CELF2: variants seen among roughly 807,000 people sequenced by gnomAD.
CELF2 encodes the protein CUG triplet repeat RNA-binding protein 2.
Under a neutral mutation model 62.6 loss-of-function variants are expected in CELF2, and 8 were observed. The ratio of observed to expected loss-of-function variants is 0.13; its 90% confidence interval spans 0.07 to 0.23. CELF2 has a LOEUF of 0.23. Among genes scored for constraint, CELF2 ranks in the 10% least tolerant of loss-of-function variants. The pLI is 1.00. For synonymous variants in CELF2, 258 were observed against 250.0 expected (o/e 1.03, Z -0.30); for missense variants, 333 against 671.0 (o/e 0.50, Z 5.56).
chr10:11,308,856 T>C (rs1211993975), intron 9 of CELF2, among the ~76,000 whole-genome samples: 2 of 150,608 alleles, frequency 1.3e-5, no homozygotes, highest in Non-Finnish European at 3.0e-5. Flanking sequence ...AGTATGATTT[T>C]CTTAGAATTG....
chr10:11,110,065 C>T lies in CELF2; in HGVS notation c.75-55421C>T, dbSNP rs1475727822. On this transcript the variant is annotated intron_variant, in intron 1 of 12. Coordinates refer to ENST00000633077, the MANE Select transcript of CELF2 (RefSeq NM_001326342.2). This position sits in a 1 kb window ranked among gnomAD's most constrained non-coding sequence, Gnocchi z 4.0. The stretch of plus-strand genomic sequence containing the variant: ...CTTGAGCTCGGGAGTTTGAGACCAG[C>T]TTGGGCAACATAGCAAGACCTCATT... 6.6e-6 allele frequency among the ~76,000 whole-genome samples: 1 copy of T among 152,058 alleles called. No homozygotes were observed. Among genetic ancestry groups the T allele is most frequent in the Non-Finnish European group, 1.5e-5 (1 of 67,990 alleles).
the CELF2 span, among the ~76,000 whole-genome samples, chr10:10,755,914 G>T: frequency 6.6e-6 from 1 of 152,092 alleles, no homozygotes; most frequent in Non-Finnish European, 1.5e-5. Context: ...TTTTTTACCC[G>T]AATAGAGTCA....
chr10:11,082,632 C>A (rs2074330052), intron 1 of CELF2, among the ~76,000 whole-genome samples: 1 of 152,208 alleles, frequency 6.6e-6, no homozygotes, highest in Admixed American at 6.5e-5. Flanking sequence ...GAGATCCCTT[C>A]CAGTTCTAAA....
intron 1 of CELF2, among the ~76,000 whole-genome samples, chr10:10,881,526 C>T (rs1053196628): frequency 6.6e-6 from 1 of 152,184 alleles, no homozygotes; most frequent in Non-Finnish European, 1.5e-5. Flanking sequence ...GGTAAACCCA[C>T]CCTCCAGATT....
the CELF2 span, among the ~76,000 whole-genome samples, chr10:10,505,321 A>C: frequency 6.6e-6 from 1 of 151,976 alleles, no homozygotes; most frequent in African/African-American, 2.4e-5. Context: ...CTTTTTTACT[A>C]CAGGGTTGGG....
intron 2 of CELF2, among the ~76,000 whole-genome samples, chr10:11,213,346 G>C (rs939454198): frequency 6.6e-6 from 1 of 152,232 alleles, no homozygotes; most frequent in African/African-American, 2.4e-5. Flanking sequence ...AGCTGACCTG[G>C]AGAGGAATCC....
chr10:10,662,447 G>C, the CELF2 span, among the ~76,000 whole-genome samples: 1 of 152,118 alleles, frequency 6.6e-6, no homozygotes, highest in Admixed American at 6.5e-5. Context: ...CAGAGACAAC[G>C]CAAGCTGAGA....
chr10:11,090,454 A>AATTTCT (rs1357392341), intron 1 of CELF2, among the ~76,000 whole-genome samples: 1 of 152,148 alleles, frequency 6.6e-6, no homozygotes, highest in Non-Finnish European at 1.5e-5. Flanking sequence ...AAATCAAATG[A>AATTTCT]ATTTCTATTT....
At chr10:10,582,576 C>A in the CELF2 span, among the ~76,000 whole-genome samples, 4 of 152,112 alleles carry the variant, frequency 2.6e-5, no homozygotes, top group Non-Finnish European at 4.4e-5. Context: ...CAGTTAACAA[C>A]CTTGTTATTG....
chr10:10,552,646 G>C, the CELF2 span, among the ~76,000 whole-genome samples: 4 of 152,346 alleles, frequency 2.6e-5, no homozygotes, highest in East Asian at 5.8e-4. Flanking sequence ...TTCATAGTCT[G>C]CATCACGGCT....
chr10:10,947,659 G>C lies in CELF2; in HGVS notation c.89+27660G>C, dbSNP rs532663567. On this transcript the variant is annotated intron_variant, in intron 2 of 13. Transcript: ENST00000636488. The surrounding 1 kb of genome is among the most constrained non-coding windows in gnomAD (Gnocchi z 4.1). ...AAGTTTACAGAATAAAGAAATGTAT[G>C]AGGGGATGAGTGCCTACTGTGTAAT... 19 of 152,628 alleles carry C rather than the reference G, an allele frequency of 1.2e-4. No homozygotes were observed. The highest frequency in any genetic ancestry group is 4.6e-4 in the African/African-American group (19 of 41,572). The allele number at this position is 152,628 out of a possible 1,614,324, so 9.5% of individuals were successfully genotyped here.
At chr10:11,249,598 G>C (rs1395971134) in intron 4 of CELF2, among the ~76,000 whole-genome samples, 1 of 152,170 alleles carries the variant, frequency 6.6e-6, no homozygotes, top group Non-Finnish European at 1.5e-5. Flanking sequence ...CTGTGGGTGG[G>C]GGAGGGGCGT....
At chr10:10,785,363 C>T in the CELF2 span, among the ~76,000 whole-genome samples, 1 of 152,150 alleles carries the variant, frequency 6.6e-6, no homozygotes, top group Non-Finnish European at 1.5e-5. Context: ...CTAGCAATCA[C>T]ACTACTGGCT....
chr10:11,200,224 C>T (rs895934636), intron 2 of CELF2, among the ~76,000 whole-genome samples: 1 of 152,200 alleles, frequency 6.6e-6, no homozygotes, highest in Admixed American at 6.5e-5. Flanking sequence ...AGTCTGCCTA[C>T]GAATTTGTTA....
the CELF2 span, among the ~76,000 whole-genome samples, chr10:10,521,338 G>C: frequency 6.6e-6 from 1 of 152,172 alleles, no homozygotes; most frequent in Non-Finnish European, 1.5e-5. Context: ...CTTGACCAAA[G>C]AGGGCAGAAT....
chr10:10,764,543 A>G, the CELF2 span, among the ~76,000 whole-genome samples: 4 of 152,228 alleles, frequency 2.6e-5, no homozygotes. Flanking sequence ...GTTCTCCAAG[A>G]GGAAAGGGCC....
the CELF2 span, among the ~76,000 whole-genome samples, chr10:10,543,757 T>TGCAACAACA: frequency 4.3e-5 from 4 of 93,874 alleles, no homozygotes; most frequent in African/African-American, 1.6e-4. Context: ...GAAACTCCAT[T>TGCAACAACA]TCAACAACAA....
At chr10:11,201,683 C>A (rs2059247887) in intron 2 of CELF2, among the ~76,000 whole-genome samples, 2 of 152,324 alleles carry the variant, frequency 1.3e-5, no homozygotes, top group South Asian at 4.1e-4. Context: ...CTGTCCTTTG[C>A]TGTGTTGTTT....
the CELF2 span, among the ~76,000 whole-genome samples, chr10:10,563,276 G>T: frequency 6.6e-6 from 1 of 152,064 alleles, no homozygotes; most frequent in East Asian, 1.9e-4. Context: ...GGGTAGGGTG[G>T]GAGGATCTCA....
Sources: gnomAD v4.1 joint callset for allele counts (sites outside exome capture counted in the v4.1 genomes callset) on GRCh38, gnomAD v4.1.1 for gene constraint, Gnocchi (gnomAD v3.1) non-coding constraint, MANE v1.5 for transcripts, NCBI Gene and HGNC (gene_info 2026-07-23, HGNC 2026-07-21) for gene names.